CD109: variants seen among roughly 807,000 people sequenced by gnomAD.
The protein encoded by CD109 is CD109 molecule.
A neutral mutation model predicts 165.8 loss-of-function variants in CD109; 149 were observed. The ratio of observed to expected loss-of-function variants is 0.90; its 90% CI spans 0.79 to 1.03. The LOEUF (loss-of-function observed/expected upper bound fraction) is 1.03, where lower values mean the gene tolerates loss of function less well. Among genes scored for constraint, CD109 ranks in the 50% least tolerant of loss-of-function variants. CD109 has a pLI of 0.00. For synonymous variants in CD109, 585 were observed against 592.1 expected, an observed-to-expected ratio of 0.99 and a Z score of 0.18; for missense variants, 1,712 against 1,677.8, an observed-to-expected ratio of 1.02 and a Z score of -0.36.
the CD109 span, among the ~76,000 whole-genome samples, chr6:73,682,442 T>C: frequency 4.2e-3 from 636 of 152,316 alleles, 2 homozygotes; most frequent in African/African-American, 0.014. Flanking sequence ...AAGAGGTGGG[T>C]TCCCATGGTC....
chr6:73,781,768 C>CAG (rs1220600124), intron 17 of CD109, among the ~76,000 whole-genome samples: 4 of 147,090 alleles, frequency 2.7e-5, no homozygotes, highest in African/African-American at 1.0e-4. Context: ...CACACACACA[C>CAG]ACAGACACAG....
chr6:73,713,044 GAA>G (rs1771595121), intron 2 of CD109, among the ~76,000 whole-genome samples: 1 of 152,136 alleles, frequency 6.6e-6, no homozygotes. Flanking sequence ...CAACAGCAGA[GAA>G]AGAGATTATT....
rs921747343 is a variant in CD109, at chr6:73,697,590, A to G, written c.247+18A>G. 6.2e-7 allele frequency: 1 copy of G among 1,606,388 alleles called. No individual in the cohort carries two copies. The highest frequency in any genetic ancestry group is 8.5e-7 in the Non-Finnish European group (1 of 1,173,746). ...TGAAAAAGGTAAGATAAACAGCATAAAGTCTTACCCTTCTGCAGTAATAAC... is the reference window on the plus strand; with the variant it reads ...TGAAAAAGGTAAGATAAACAGCATAGAGTCTTACCCTTCTGCAGTAATAAC... On this transcript the variant is annotated intron_variant, in intron 2 of 32. Coordinates refer to ENST00000287097, the MANE Select transcript of CD109 (RefSeq NM_133493.5).
At chr6:73,759,297 GT>G (rs548616281) in intron 7 of CD109, among the ~76,000 whole-genome samples, 1 of 149,676 alleles carries the variant, frequency 6.7e-6, no homozygotes, top group Non-Finnish European at 1.5e-5. Flanking sequence ...AGATAGCACT[GT>G]TTTTTTTTCA....
chr6:73,738,345 A>G (rs1445936797), intron 5 of CD109, among the ~76,000 whole-genome samples: 4 of 152,208 alleles, frequency 2.6e-5, no homozygotes, highest in African/African-American at 7.2e-5. Context: ...CTTTAAAGCA[A>G]GCCTCTGCAC....
At chr6:73,756,209 T>C (rs1393668806) in intron 5 of CD109, among the ~76,000 whole-genome samples, 1 of 152,244 alleles carries the variant, frequency 6.6e-6, no homozygotes, top group African/African-American at 2.4e-5. Context: ...ATTTGAGTTA[T>C]GTGTAACTTC....
chr6:73,820,509 A>G lies in CD109; in HGVS notation c.4108A>G (p.Lys1370Glu). The G allele has an allele frequency of 6.2e-7, 1 of 1,612,652 alleles. No homozygotes were observed. Among genetic ancestry groups the G allele is most frequent in the Non-Finnish European group, 8.5e-7 (1 of 1,179,096 alleles). Residue 1370 changes from lysine (K) to glutamate (E), a missense_variant, in exon 32 of 33, where the codon AAA becomes GAA. By Grantham distance (56) the Lys-to-Glu change is moderately conservative. Coordinates refer to ENST00000287097, the MANE Select transcript of CD109 (RefSeq NM_133493.5). ...TAATATTCCTGCTGTGAGAAACTTT[A>G]AAGTTTCAAATACCCAAGATGCTTC... ...CVNIPAVRNF[K>E]VSNTQDASVS...
In CD109 at chr6:73,773,797, AT is replaced by A. The variant is rs1774136244; in HGVS notation, c.1827+2218del. Among the ~76,000 whole-genome samples the A allele has an allele frequency of 4.0e-5, 6 of 151,840 alleles. No individual in the cohort carries two copies. In the South Asian group the frequency reaches 1.2e-3, roughly 32 times the overall value. ...ATCTATGCTGTTCTTTCATTTTTTA[AT>A]TGTGGAAATCTGTGTTGATTATTTC... On this transcript the variant is annotated intron_variant, in intron 15 of 32. Transcript: ENST00000287097.
At chr6:73,818,331 A>G (rs1204170430) in intron 30 of CD109, 57 bp from the exon 31 acceptor site, 12 of 1,580,084 alleles carry the variant, frequency 7.6e-6, no homozygotes, top group Non-Finnish European at 1.0e-5. Context: ...AGATAATTTG[A>G]TAACAGCTAT....
chr6:73,802,419 T>G (rs2150286763), intron 23 of CD109, among the ~76,000 whole-genome samples: 1 of 150,312 alleles, frequency 6.7e-6, no homozygotes, highest in East Asian at 1.9e-4. Context: ...GAGCCACCGT[T>G]TTAGATTATT....
chr6:73,768,323 A>G (rs990671926), intron 14 of CD109, 92 bp downstream of exon 14: 3 of 752,480 alleles, frequency 4.0e-6, no homozygotes, highest in African/African-American at 3.6e-5. Context: ...TCATTAAGCC[A>G]AACTGGTTAG....
At position 73,766,070 on chromosome 6, in the gene CD109, G is replaced by C. The variant is rs760270113; in HGVS notation, c.1248G>C (p.Gln416His). Reference protein sequence around the residue: ...NSGNQKMEAVQKINYTVPQSG... With the variant: ...NSGNQKMEAVHKINYTVPQSG... Reference sequence around the variant, plus strand: ...GAAATCAGAAAATGGAAGCTGTTCAGAAAATAAATTATACTGTCCCCCAAA... The same window carrying C: ...GAAATCAGAAAATGGAAGCTGTTCACAAAATAAATTATACTGTCCCCCAAA... Residue 416 changes from glutamine (Q) to histidine (H), a missense_variant, in exon 11 of 33, where the codon CAG becomes CAC. Gln to His is a conservative substitution (Grantham distance 24). Coordinates refer to ENST00000287097, the MANE Select transcript of CD109 (RefSeq NM_133493.5). 30 of 1,613,908 alleles carry C rather than the reference G, an allele frequency of 1.9e-5. No individual in the cohort carries two copies. The highest frequency in any genetic ancestry group is 6.7e-5 in the Admixed American group (4 of 59,974).
intron 5 of CD109, among the ~76,000 whole-genome samples, chr6:73,743,101 C>T (rs528380431): frequency 6.6e-6 from 1 of 152,296 alleles, no homozygotes; most frequent in Admixed American, 6.5e-5. Flanking sequence ...ATTTACTTTA[C>T]CTTTTTAGGT....
chr6:73,716,153 C>A (rs957525226), intron 2 of CD109, among the ~76,000 whole-genome samples: 1 of 152,106 alleles, frequency 6.6e-6, no homozygotes, highest in African/African-American at 2.4e-5. Flanking sequence ...TGTACATGTA[C>A]CACATTTTCT....
chr6:73,809,878 T>C, intron 26 of CD109, 106 bp from the exon 27 acceptor site: 1 of 772,710 alleles, frequency 1.3e-6, no homozygotes, highest in Non-Finnish European at 2.0e-6. Context: ...AGTATATATT[T>C]TTTATGCTAG....
At chr6:73,700,806 T>C (rs1215641513) in intron 2 of CD109, among the ~76,000 whole-genome samples, 2 of 131,318 alleles carry the variant, frequency 1.5e-5, no homozygotes, top group African/African-American at 5.8e-5. Context: ...TTTTTTTTTT[T>C]TTTTTTTTTT....
chr6:73,682,164 C>T, the CD109 span, among the ~76,000 whole-genome samples: 2 of 152,168 alleles, frequency 1.3e-5, no homozygotes, highest in African/African-American at 2.4e-5. Flanking sequence ...AGCATTAACT[C>T]AAAAGTCCGC....
intron 30 of CD109, among the ~76,000 whole-genome samples, chr6:73,817,915 G>A (rs763464769): frequency 6.6e-5 from 10 of 152,158 alleles, no homozygotes; most frequent in African/African-American, 9.7e-5. Flanking sequence ...AAAATCAGAC[G>A]AATAAAAGGT....
At chr6:73,703,728 G>A (rs2150148232) in intron 2 of CD109, among the ~76,000 whole-genome samples, 1 of 152,168 alleles carries the variant, frequency 6.6e-6, no homozygotes, top group African/African-American at 2.4e-5. Flanking sequence ...AGCTCAAGGT[G>A]GAGTTGCTCT....
Sources: allele counts gnomAD v4.1 joint callset (sites outside exome capture counted in the v4.1 genomes callset), GRCh38; gene constraint gnomAD v4.1.1; transcripts MANE v1.5; gene names NCBI Gene and HGNC (gene_info 2026-07-23, HGNC 2026-07-21).